Variants in LRBA observed in about 807,000 individuals in gnomAD.
LRBA encodes the protein lipopolysaccharide-responsive and beige-like anchor protein.
Under a neutral mutation model 330.0 loss-of-function variants are expected in LRBA, and 176 were observed. The observed-to-expected ratio is 0.53, with a 90% CI of 0.47 to 0.60. The LOEUF (loss-of-function observed/expected upper bound fraction) is 0.60. Ranked by LOEUF, LRBA falls within the 20% of genes least tolerant of loss-of-function variation. The pLI, the probability that LRBA is intolerant of heterozygous loss-of-function variation, is 0.00. For missense variants in LRBA, 3,259 were observed against 3,444.8 expected, an observed-to-expected ratio of 0.95 and a Z score of 1.35; for synonymous variants, 1,230 against 1,193.0, an observed-to-expected ratio of 1.03 and a Z score of -0.64.
chr4:150,523,192 T>A (rs903145059), intron 40 of LRBA, among the ~76,000 whole-genome samples: 1 of 152,236 alleles, frequency 6.6e-6, no homozygotes, highest in Non-Finnish European at 1.5e-5. Flanking sequence ...CATGTGAGGT[T>A]GACATGTATT....
chr4:150,437,462 A>G (rs1278655733), intron 44 of LRBA, among the ~76,000 whole-genome samples: 3 of 150,376 alleles, frequency 2.0e-5, no homozygotes, highest in African/African-American at 7.3e-5. Context: ...TATATACTTT[A>G]ACCAGAGGAT....
intron 34 of LRBA, among the ~76,000 whole-genome samples, chr4:150,781,878 C>T (rs997662127): frequency 6.6e-6 from 1 of 152,140 alleles, no homozygotes; most frequent in Non-Finnish European, 1.5e-5. Context: ...ATTCAATTTT[C>T]CATACAACAA....
chr4:150,524,773 G>A (rs1433886629), intron 40 of LRBA, among the ~76,000 whole-genome samples: 1 of 152,060 alleles, frequency 6.6e-6, no homozygotes, highest in Non-Finnish European at 1.5e-5. Context: ...CTAGCAATTA[G>A]TCCCACTGAA....
chr4:150,540,805 C>T (rs948976916), intron 40 of LRBA, among the ~76,000 whole-genome samples: 1 of 152,126 alleles, frequency 6.6e-6, no homozygotes, highest in African/African-American at 2.4e-5. Flanking sequence ...CTTTAAAGAA[C>T]ATCTTGCTTA....
In LRBA at chr4:150,943,608, T is replaced by A. The variant is rs1006450530; in HGVS notation, c.217-14543A>T. On this transcript the variant is annotated intron_variant, in intron 2 of 56. Coordinates refer to ENST00000651943, the MANE Select transcript of LRBA (RefSeq NM_001364905.1). ...TTTAAGCAAACATTTAGTAGGCACT[T>A]CAGAAGTTTTTCAGGTAAGTAGTTT... is the stretch of plus-strand genomic sequence containing the variant. Among the ~76,000 whole-genome samples, 5 of 152,350 alleles carry A rather than the reference T, an allele frequency of 3.3e-5. No individual in the cohort carries two copies. The East Asian group carries it at 5.8e-4, about 18-fold the overall frequency.
intron 48 of LRBA, among the ~76,000 whole-genome samples, chr4:150,326,816 C>T (rs1172075326): frequency 6.6e-6 from 1 of 152,116 alleles, no homozygotes. Context: ...ATAAAGGCTA[C>T]TTCGACACTC....
chr4:150,699,686 A>C lies in LRBA; in HGVS notation c.5755-15969T>G, dbSNP rs1444836452. 2.0e-5 allele frequency among the ~76,000 whole-genome samples: 3 copies of C among 152,324 alleles called. No individual in the cohort carries two copies. In the East Asian group the frequency reaches 5.8e-4, roughly 29 times the overall value. On this transcript the variant is annotated intron_variant, in intron 36 of 56. Transcript: ENST00000651943. ...CATTTATTCCTGACAACATAGCTACAGGTAAACATCATTATTATCCTGATG... is the reference window on the plus strand; with the variant it reads ...CATTTATTCCTGACAACATAGCTACCGGTAAACATCATTATTATCCTGATG...
intron 47 of LRBA, among the ~76,000 whole-genome samples, chr4:150,373,124 CGT>C (rs70937397): frequency 0.059 from 5,700 of 96,146 alleles, 187 homozygotes; most frequent in African/African-American, 0.088. Context: ...ACTACAATCT[CGT>C]GTGTGTGTGT....
At chr4:150,516,903 T>C (rs1762418312) in intron 40 of LRBA, among the ~76,000 whole-genome samples, 1 of 152,180 alleles carries the variant, frequency 6.6e-6, no homozygotes, top group Admixed American at 6.5e-5. Flanking sequence ...CATCAACATG[T>C]AGGGATGGTT....
In LRBA at chr4:150,489,148, T is replaced by A. The variant is rs1394506032; in HGVS notation, c.6449-1314A>T. 3.4e-5 allele frequency among the ~76,000 whole-genome samples: 4 copies of A among 119,284 alleles called. No individual in the cohort carries two copies. In the East Asian group the frequency reaches 9.7e-4, roughly 29 times the overall value. 78.3% of individuals were successfully genotyped at this position (119,284 alleles called of 152,430 possible). ...ATATAAGAATATATAATATATAATA[T>A]ATCAGAATATATAATATATTATATA... On this transcript the variant is annotated intron_variant, in intron 41 of 56. Transcript: ENST00000651943.
chr4:150,707,565 A>C (rs1238799603), intron 36 of LRBA, among the ~76,000 whole-genome samples: 1 of 151,684 alleles, frequency 6.6e-6, no homozygotes, highest in East Asian at 1.9e-4. Context: ...GGACCACTGT[A>C]TATATAATTA....
At chr4:150,678,929 T>TA (rs1299341030) in intron 37 of LRBA, among the ~76,000 whole-genome samples, 1 of 152,176 alleles carries the variant, frequency 6.6e-6, no homozygotes, top group Non-Finnish European at 1.5e-5. Flanking sequence ...GAACTCTTAG[T>TA]AAGTAAGGTA....
At chr4:150,559,366 TCCTGGCCAACATGGTGAAA>T (rs1767752061) in intron 40 of LRBA, among the ~76,000 whole-genome samples, 1 of 150,804 alleles carries the variant, frequency 6.6e-6, no homozygotes, top group African/African-American at 2.4e-5. Flanking sequence ...ATTGAGACCA[TCCTGGCCAACATGGTGAAA>T]CCCCGTCTCT....
intron 34 of LRBA, among the ~76,000 whole-genome samples, chr4:150,796,615 T>C (rs1195003603): frequency 4.6e-5 from 7 of 151,978 alleles, no homozygotes; most frequent in South Asian, 2.1e-4. Flanking sequence ...TATTAAAACA[T>C]GTCATTCTTT....
chr4:150,686,246 G>A (rs1262490320), intron 36 of LRBA, among the ~76,000 whole-genome samples: 3 of 152,116 alleles, frequency 2.0e-5, no homozygotes, highest in African/African-American at 7.2e-5. Flanking sequence ...ATGTTCACTG[G>A]TAAAGGCAAA....
intron 2 of LRBA, 103 bp from the exon 3 acceptor site, chr4:150,929,168 C>T: frequency 1.5e-6 from 1 of 665,572 alleles, no homozygotes; most frequent in Non-Finnish European, 2.4e-6. Flanking sequence ...CACATTCTTC[C>T]TCCACATCAA....
At chr4:150,882,440 C>T (rs1248662762) in intron 17 of LRBA, among the ~76,000 whole-genome samples, 2 of 151,926 alleles carry the variant, frequency 1.3e-5, no homozygotes, top group African/African-American at 4.8e-5. Flanking sequence ...ATATATTTAT[C>T]TAATCATAAA....
intron 37 of LRBA, among the ~76,000 whole-genome samples, chr4:150,635,487 C>T (rs2126687115): frequency 6.6e-6 from 1 of 152,308 alleles, no homozygotes; most frequent in Middle Eastern, 3.4e-3. Context: ...TAACACATAA[C>T]ACCCCCAACC....
intron 47 of LRBA, among the ~76,000 whole-genome samples, chr4:150,368,760 A>G (rs950818880): frequency 6.6e-6 from 1 of 152,220 alleles, no homozygotes; most frequent in African/African-American, 2.4e-5. Context: ...GGTGATGTCA[A>G]GTAATTTAAA....
Sources: gnomAD v4.1 joint callset for allele counts (sites outside exome capture counted in the v4.1 genomes callset) on GRCh38, gnomAD v4.1.1 for gene constraint, MANE v1.5 for transcripts, NCBI Gene and HGNC (gene_info 2026-07-23, HGNC 2026-07-21) for gene names.